Variants in TGS1 observed in about 807,000 individuals in gnomAD.
The protein encoded by TGS1 is trimethylguanosine synthase 1.
In TGS1, 69 loss-of-function variants were observed where a neutral mutation model predicts 92.2. That is an observed-to-expected ratio of 0.75 (90% CI 0.62 to 0.91). The LOEUF (loss-of-function observed/expected upper bound fraction) is 0.91. Ranked by LOEUF, TGS1 falls within the 40% of genes least tolerant of loss-of-function variation. TGS1 has a pLI of 0.00. For synonymous variants in TGS1, 345 were observed against 338.1 expected, an observed-to-expected ratio of 1.02 and a Z score of -0.22; for missense variants, 1,062 against 1,001.2, an observed-to-expected ratio of 1.06 and a Z score of -0.82.
intron 7 of TGS1, among the ~76,000 whole-genome samples, chr8:55,798,690 A>C (rs1812126824): frequency 6.6e-6 from 1 of 152,114 alleles, no homozygotes; most frequent in Admixed American, 6.6e-5. Flanking sequence ...TTAATCTGAT[A>C]TTTTTTTCCT....
chr8:55,814,320 C>T (rs969080851), intron 12 of TGS1, among the ~76,000 whole-genome samples: 9 of 151,856 alleles, frequency 5.9e-5, no homozygotes, highest in South Asian at 4.2e-4. Context: ...GGATGAGGCC[C>T]GAAAGTTAAT....
Position 55,785,742 on chromosome 8 carries a change from G to A in TGS1, c.190G>A (p.Glu64Lys), listed in dbSNP as rs149747329. ...NSGDQATEEE[E>K]GGYSCGTAES... The stretch of plus-strand genomic sequence containing the variant: ...AGGAGACCAGGCGACAGAAGAAGAG[G>A]AAGGTGGTTATTCCTGTGGTACTGC... Residue 64 changes from glutamate (E) to lysine (K), a missense_variant, in exon 3 of 13, where the codon GAA becomes AAA. Glu to Lys is a moderately conservative substitution (Grantham distance 56). Coordinates refer to ENST00000260129, the MANE Select transcript of TGS1 (RefSeq NM_024831.8). 9 of 1,610,354 alleles carry A rather than the reference G, an allele frequency of 5.6e-6. No individual in the cohort carries two copies. The highest frequency in any genetic ancestry group is 7.6e-6 in the Non-Finnish European group (9 of 1,178,796).
intron 12 of TGS1, among the ~76,000 whole-genome samples, chr8:55,822,906 C>T (rs558302532): frequency 6.6e-6 from 1 of 152,176 alleles, no homozygotes; most frequent in Non-Finnish European, 1.5e-5. Flanking sequence ...ATTACATTCT[C>T]TCAACCCTTA....
rs185945493 is a variant in TGS1 at position 55,787,981 on chromosome 8, G to A, written c.1162+921G>A. Among the ~76,000 whole-genome samples, 12 of 152,354 alleles carry A rather than the reference G, an allele frequency of 7.9e-5. No individual in the cohort carries two copies. In the East Asian group the frequency reaches 2.3e-3, roughly 29 times the overall value. ...CATGGGGAGGCACCAAGCCATTCAT[G>A]AAGGATCTGCCCCATGACCCAAACA... On this transcript the variant is annotated intron_variant, in intron 4 of 12. Coordinates refer to ENST00000260129, the MANE Select transcript of TGS1 (RefSeq NM_024831.8).
In TGS1 at chr8:55,778,874, C is replaced by T. The variant is rs117335643; in HGVS notation, c.102-3874C>T. Among the ~76,000 whole-genome samples the T allele has an allele frequency of 6.6e-3, 998 of 152,302 alleles. 9 individuals are homozygous for T. The highest frequency in any genetic ancestry group is 0.01 in the Middle Eastern group (3 of 294). ...GCATTTATTTCAGCCGCCCGAGTGT[C>T]AGGTGCTGCAATAGAAAGATGACTT... On this transcript the variant is annotated intron_variant, in intron 1 of 12. Transcript: ENST00000260129.
intron 5 of TGS1, among the ~76,000 whole-genome samples, chr8:55,790,759 T>C (rs1811856269): frequency 6.6e-6 from 1 of 152,188 alleles, no homozygotes; most frequent in South Asian, 2.1e-4. Context: ...CCTCAAGCGA[T>C]CCACTTGCCT....
intron 5 of TGS1, among the ~76,000 whole-genome samples, chr8:55,790,876 A>G (rs1264109291): frequency 1.3e-5 from 2 of 152,054 alleles, no homozygotes; most frequent in African/African-American, 2.4e-5. Flanking sequence ...TTTTGTGATT[A>G]TTGGGTAGAC....
intron 8 of TGS1, among the ~76,000 whole-genome samples, chr8:55,800,275 G>A (rs117168853): frequency 0.023 from 3,486 of 152,054 alleles, 52 homozygotes; most frequent in Non-Finnish European, 0.03. Context: ...TATAATAACC[G>A]ATGTTCATAT....
At chr8:55,773,764 C>A in intron 1 of TGS1, 45 bp downstream of exon 1, 1 of 1,484,980 alleles carries the variant, frequency 6.7e-7, no homozygotes. Context: ...ACAGTCATTA[C>A]CCAGAAATGT....
chr8:55,782,670 A>G lies in TGS1; in HGVS notation c.102-78A>G, dbSNP rs143379391. ...TCATAAGCTTTTTATTAATTAATCTATGATGGCTCGAGATTTCTTTCCCTC... is the reference window on the plus strand; with the variant it reads ...TCATAAGCTTTTTATTAATTAATCTGTGATGGCTCGAGATTTCTTTCCCTC... On this transcript the variant is annotated intron_variant, in intron 1 of 12. Coordinates refer to ENST00000260129, the MANE Select transcript of TGS1 (RefSeq NM_024831.8). The G allele has an allele frequency of 2.6e-4, 288 of 1,100,464 alleles. 1 individual carries two copies. The African/African-American group carries it at 4.1e-3, about 16-fold the overall frequency. The allele number at this position is 1,100,464 out of a possible 1,614,324, so 68.2% of individuals were successfully genotyped here.
At chr8:55,803,372 C>T (rs1014445733) in intron 9 of TGS1, among the ~76,000 whole-genome samples, 6 of 152,150 alleles carry the variant, frequency 3.9e-5, no homozygotes, top group East Asian at 1.9e-4. Flanking sequence ...GACTGATGCT[C>T]GTTTTCATAT....
chr8:55,783,383 C>T (rs1263793904), intron 2 of TGS1, among the ~76,000 whole-genome samples: 1 of 152,186 alleles, frequency 6.6e-6, no homozygotes, highest in Non-Finnish European at 1.5e-5. Flanking sequence ...TGTGCCACTG[C>T]ACTCCAGCCT....
chr8:55,782,738 T>C lies in TGS1; in HGVS notation c.102-10T>C. 6.3e-7 allele frequency: 1 copy of C among 1,594,550 alleles called. No individual in the cohort carries two copies. The highest frequency in any genetic ancestry group is 8.5e-7 in the Non-Finnish European group (1 of 1,173,814). On this transcript the variant is annotated splice_polypyrimidine_tract_variant and intron_variant, in intron 1 of 12. Coordinates refer to ENST00000260129, the MANE Select transcript of TGS1 (RefSeq NM_024831.8). The stretch of plus-strand genomic sequence containing the variant: ...TCATTTCAATATGAACTGCTTAATC[T>C]GCTTCGCAGGGATCGAAAATTGTAC...
Position 55,824,634 on chromosome 8 carries a change from T to A in TGS1, c.2493T>A (p.Leu831=), listed in dbSNP as rs753883048. 8.1e-6 allele frequency: 13 copies of A among 1,614,068 alleles called. No individual in the cohort carries two copies. Among genetic ancestry groups the A allele is most frequent in the Admixed American group, 6.7e-5 (4 of 60,004 alleles). Residue 831 remains leucine, a synonymous_variant, in exon 13 of 13, where the codon CTT becomes CTA. Transcript: ENST00000260129. ...AAGTGGAAATAGAACAGAACTTCCT[T>A]AACAACAAATTGAAGACAATCACTG... ...GGQVEIEQNF[L]NNKLKTITAY...
At chr8:55,790,052 G>C (rs750304001) in intron 4 of TGS1, 130 bp from the exon 5 acceptor site, 3 of 661,684 alleles carry the variant, frequency 4.5e-6, no homozygotes, top group Non-Finnish European at 8.1e-6. Flanking sequence ...GTAGATGTGA[G>C]CTGGCACTTT....
At chr8:55,775,961 G>A (rs998416179) in intron 1 of TGS1, among the ~76,000 whole-genome samples, 17 of 152,120 alleles carry the variant, frequency 1.1e-4, no homozygotes, top group African/African-American at 3.9e-4. Flanking sequence ...AGCAAAATGA[G>A]GACTAAAAGT....
rs1210906992 is a variant in TGS1, at chr8:55,804,967, G to A, written c.2074G>A (p.Asp692Asn). 1 of 1,613,946 alleles carries A rather than the reference G, an allele frequency of 6.2e-7. No individual in the cohort carries two copies. The highest frequency in any genetic ancestry group is 8.5e-7 in the Non-Finnish European group (1 of 1,179,996). ...CCGTGTTAGTCAGTCCTTCAAGTGTGACGTTGTAGTAGACGCATTCTGTGG... is the reference window on the plus strand; with the variant it reads ...CCGTGTTAGTCAGTCCTTCAAGTGTAACGTTGTAGTAGACGCATTCTGTGG... ...AGRVSQSFKC[D>N]VVVDAFCGVG... The change falls in exon 10 of 13, where the codon GAC becomes AAC. Residue 692 changes from aspartate to asparagine, a missense_variant. Physicochemically the swap from Asp to Asn is conservative, Grantham distance 23. Coordinates refer to ENST00000260129, the MANE Select transcript of TGS1 (RefSeq NM_024831.8).
intron 5 of TGS1, 49 bp downstream of exon 5, chr8:55,790,348 TG>T (rs922203863): frequency 8.5e-7 from 1 of 1,177,558 alleles, no homozygotes; most frequent in Admixed American, 1.7e-5. Context: ...AGTAAGCATT[TG>T]TATGCATAAG....
chr8:55,817,296 G>GTAGA, intron 12 of TGS1, among the ~76,000 whole-genome samples: 2 of 152,260 alleles, frequency 1.3e-5, no homozygotes, highest in Middle Eastern at 6.8e-3. Flanking sequence ...AGGTAGGTAA[G>GTAGA]TAGATAGATA....
Sources: allele counts gnomAD v4.1 joint callset (sites outside exome capture counted in the v4.1 genomes callset), GRCh38; gene constraint gnomAD v4.1.1; transcripts MANE v1.5; gene names NCBI Gene and HGNC (gene_info 2026-07-23, HGNC 2026-07-21).